Variants in FOCAD observed in about 807,000 individuals in gnomAD.
FOCAD encodes the protein KIAA1797.
FOCAD carries 198 observed loss-of-function variants against 225.6 expected under a neutral mutation model. That is an observed-to-expected ratio of 0.88 (90% CI 0.78 to 0.99). The LOEUF (loss-of-function observed/expected upper bound fraction) is 0.99. Among genes scored for constraint, FOCAD ranks in the 50% least tolerant of loss-of-function variants. The pLI, the probability that FOCAD is intolerant of heterozygous loss-of-function variation, is 0.00. For synonymous variants in FOCAD, 897 were observed against 755.0 expected, an observed-to-expected ratio of 1.19 and a Z score of -3.08; for missense variants, 2,713 against 2,123.6, an observed-to-expected ratio of 1.28 and a Z score of -5.46.
intron 25 of FOCAD, 49 bp downstream of exon 25, chr9:20,923,817 C>T: frequency 1.4e-6 from 2 of 1,459,798 alleles, no homozygotes; most frequent in Non-Finnish European, 9.5e-7. Flanking sequence ...TCTTTTTAAG[C>T]CTGGCTTTAG....
upstream of FOCAD, chr9:20,658,200 T>C (rs901713653): frequency 2.6e-5 from 4 of 152,484 alleles, no homozygotes; most frequent in Middle Eastern, 3.4e-3. Context: ...ACAGGGACAC[T>C]TAAGTCTGCA....
chr9:20,777,034 A>G (rs114548320), intron 8 of FOCAD, among the ~76,000 whole-genome samples: 5,822 of 152,282 alleles, frequency 0.038, 147 homozygotes, highest in African/African-American at 0.072. Context: ...CCTAAAATAC[A>G]TAGATTGGAA....
At chr9:20,853,913 G>A (rs952502962) in intron 15 of FOCAD, among the ~76,000 whole-genome samples, 2 of 151,658 alleles carry the variant, frequency 1.3e-5, no homozygotes, top group Non-Finnish European at 3.0e-5. Flanking sequence ...TCCATTGATT[G>A]TGTCTCTTCA....
intron 4 of FOCAD, among the ~76,000 whole-genome samples, chr9:20,732,578 G>A (rs1436202745): frequency 6.6e-6 from 1 of 152,124 alleles, no homozygotes; most frequent in Non-Finnish European, 1.5e-5. Context: ...CCTGGGTGGA[G>A]AAGGAATGTA....
rs1255738834 is a variant in FOCAD, at chr9:20,820,320, C to G, written c.1561-4C>G. ...GCAACTAGAGTTTCTTCAATATTTT[C>G]TAGGTGTGTATAGGACAAATTCTAC... On this transcript the variant is annotated splice_polypyrimidine_tract_variant and splice_region_variant and intron_variant, in intron 12 of 43. Coordinates refer to ENST00000338382, the MANE Select transcript of FOCAD (RefSeq NM_001375567.1). 2.5e-6 allele frequency: 4 copies of G among 1,599,910 alleles called. No individual in the cohort carries two copies. The highest frequency in any genetic ancestry group is 3.4e-6 in the Non-Finnish European group (4 of 1,172,890).
intron 35 of FOCAD, among the ~76,000 whole-genome samples, chr9:20,967,815 G>C (rs1587741399): frequency 6.6e-6 from 1 of 151,856 alleles, no homozygotes; most frequent in Non-Finnish European, 1.5e-5. Context: ...TGCATTCCTG[G>C]GATAAATCGT....
At chr9:20,677,854 C>T (rs1822281195) in intron 2 of FOCAD, among the ~76,000 whole-genome samples, 1 of 152,158 alleles carries the variant, frequency 6.6e-6, no homozygotes, top group Non-Finnish European at 1.5e-5. Context: ...AGGAAATGAA[C>T]CTGGCATCCC....
At chr9:20,852,597 C>T (rs1827777845) in intron 15 of FOCAD, among the ~76,000 whole-genome samples, 1 of 151,804 alleles carries the variant, frequency 6.6e-6, no homozygotes, top group African/African-American at 2.4e-5. Context: ...GTGGACTAAA[C>T]TCAAGAGGTA....
intron 1 of FOCAD, among the ~76,000 whole-genome samples, chr9:20,700,328 C>G (rs886869763): frequency 6.6e-6 from 1 of 151,746 alleles, no homozygotes; most frequent in Non-Finnish European, 1.5e-5. Flanking sequence ...GACCCATTTT[C>G]CATCTCTATT....
chr9:20,881,764 T>C (rs1468185534), intron 19 of FOCAD, 107 bp from the exon 20 acceptor site: 25 of 1,108,130 alleles, frequency 2.3e-5, no homozygotes, highest in Non-Finnish European at 2.9e-5. Context: ...CATGTAAGGT[T>C]TGGCCAGAAA....
At chr9:20,844,691 T>C (rs1436802279) in intron 15 of FOCAD, among the ~76,000 whole-genome samples, 3 of 152,036 alleles carry the variant, frequency 2.0e-5, no homozygotes, top group African/African-American at 7.2e-5. Flanking sequence ...CACTTACCTA[T>C]TTGCAGTTGT....
rs149851425 is a variant in FOCAD, at chr9:20,729,016, C to T, written c.287+8482C>T. ...TTAACATCTCTTGTATATGAGGCAG[C>T]CAGACTGAGATTGGAATTTCCTGGC... is the stretch of plus-strand genomic sequence containing the variant. On this transcript the variant is annotated intron_variant, in intron 4 of 43. Coordinates refer to ENST00000338382, the MANE Select transcript of FOCAD (RefSeq NM_001375567.1). Among the ~76,000 whole-genome samples, 195 of 152,286 alleles carry T rather than the reference C, an allele frequency of 1.3e-3. 1 individual carries two copies. Among genetic ancestry groups the T allele is most frequent in the African/African-American group, 4.3e-3 (178 of 41,566 alleles).
intron 4 of FOCAD, among the ~76,000 whole-genome samples, chr9:20,734,713 T>A (rs1826994716): frequency 6.6e-6 from 1 of 152,082 alleles, no homozygotes; most frequent in African/African-American, 2.4e-5. Flanking sequence ...GGCGTGATCA[T>A]GGCTCACTGC....
At chr9:20,910,712 G>A (rs1587580821) in intron 22 of FOCAD, among the ~76,000 whole-genome samples, 1 of 152,068 alleles carries the variant, frequency 6.6e-6, no homozygotes, top group Non-Finnish European at 1.5e-5. Context: ...AGAAAGCAGA[G>A]ATGACTGAGT....
intron 21 of FOCAD, among the ~76,000 whole-genome samples, chr9:20,900,109 C>T (rs1250058844): frequency 6.6e-6 from 1 of 151,974 alleles, no homozygotes; most frequent in East Asian, 1.9e-4. Flanking sequence ...TGATAGTTTC[C>T]TTCCCTGAAA....
intron 1 of FOCAD, among the ~76,000 whole-genome samples, chr9:20,701,702 G>A (rs1823966552): frequency 6.6e-6 from 1 of 152,192 alleles, no homozygotes; most frequent in Admixed American, 6.5e-5. Context: ...TGTATTGCTG[G>A]TGATGGTGCC....
chr9:20,901,232 G>C lies in FOCAD; in HGVS notation c.2626-5918G>C, dbSNP rs1018044218. Among the ~76,000 whole-genome samples, 15 of 142,242 alleles carry C rather than the reference G, an allele frequency of 1.1e-4. No homozygotes were observed. The East Asian group carries it at 2.4e-3, about 23-fold the overall frequency. The allele number at this position is 142,242 out of a possible 152,430, so 93.3% of individuals were successfully genotyped here. A position where few individuals can be genotyped will look rare whatever the true frequency, so the allele number is the denominator to read the frequency against. ...TGTGTGTGTGTGTGTGTGTGTGTGT[G>C]TCTCATAAAGCTAAATGTAGTGGTT... On this transcript the variant is annotated intron_variant, in intron 21 of 43. Transcript: ENST00000338382.
At chr9:20,658,167 A>G (rs1821573265), upstream of FOCAD, 1 of 152,084 alleles carries the variant, frequency 6.6e-6, no homozygotes, top group Admixed American at 6.5e-5. Flanking sequence ...TGGGAGAACC[A>G]CTGCTCTCTT....
In FOCAD at chr9:20,703,690, T is replaced by C. The variant is rs79939740; in HGVS notation, c.-32-11632T>C. ...TCATTACTGCTCACTTGATGAGAGA[T>C]TCCTTATCACTTAAATTCAAATTCT... On this transcript the variant is annotated intron_variant, in intron 1 of 43. Transcript: ENST00000338382. Among the ~76,000 whole-genome samples, 4 of 152,234 alleles carry C rather than the reference T, an allele frequency of 2.6e-5. No homozygotes were observed. The East Asian group carries it at 7.7e-4, about 29-fold the overall frequency.
Sources: allele counts gnomAD v4.1 joint callset (sites outside exome capture counted in the v4.1 genomes callset), GRCh38; gene constraint gnomAD v4.1.1; transcripts MANE v1.5; gene names NCBI Gene and HGNC (gene_info 2026-07-23, HGNC 2026-07-21).